ATIC: variants seen among roughly 807,000 people sequenced by gnomAD.
ATIC encodes bifunctional purine biosynthesis protein ATIC.
ATIC carries 64 observed loss-of-function variants against 72.5 expected under a neutral mutation model. The ratio of observed to expected loss-of-function variants is 0.88; its 90% CI spans 0.72 to 1.09. The LOEUF is 1.09. Among genes scored for constraint, ATIC ranks in the 50% least tolerant of loss-of-function variants. ATIC has a pLI of 0.00. For missense variants in ATIC, 787 were observed against 732.4 expected (o/e 1.07, Z -0.86); for synonymous variants, 281 against 267.1 (o/e 1.05, Z -0.51).
At position 215,333,400 on chromosome 2, in the gene ATIC, G is replaced by T. The variant is rs1380460742; in HGVS notation, c.865G>T (p.Val289Phe). The change falls in exon 9 of 16, where the codon GTT becomes TTT. Residue 289 changes from valine to phenylalanine, a missense_variant. By Grantham distance (50) the Val-to-Phe change is conservative. Coordinates refer to ENST00000236959, the MANE Select transcript of ATIC (RefSeq NM_004044.7). Reference protein sequence around the residue: ...LSEDEAKVCMVYDLYKTLTPI... With the variant: ...LSEDEAKVCMFYDLYKTLTPI... Reference sequence around the variant, plus strand: ...TGAAGATGAGGCCAAAGTCTGCATGGTTTATGATCTCTATAAAACCCTCAC... The same window carrying T: ...TGAAGATGAGGCCAAAGTCTGCATGTTTTATGATCTCTATAAAACCCTCAC... The T allele has an allele frequency of 6.2e-7, 1 of 1,614,038 alleles. No individual in the cohort carries two copies. The highest frequency in any genetic ancestry group is 2.2e-5 in the East Asian group (1 of 44,880).
At chr2:215,325,927 A>G (rs2052818688) in intron 5 of ATIC, 60 bp from the exon 6 acceptor site, 1 of 1,584,160 alleles carries the variant, frequency 6.3e-7, no homozygotes, top group Non-Finnish European at 8.7e-7. Context: ...ACTTTATTTA[A>G]AAGCGGTTCA....
chr2:215,312,361 C>G (rs2052662398), intron 1 of ATIC, 137 bp from the exon 2 acceptor site: 14 of 1,545,122 alleles, frequency 9.1e-6, no homozygotes, highest in Non-Finnish European at 1.2e-5. Flanking sequence ...CTGGGGAGGC[C>G]CGGACCAGGC....
the ATIC span, among the ~76,000 whole-genome samples, chr2:215,355,365 A>C: frequency 6.6e-6 from 1 of 152,166 alleles, no homozygotes; most frequent in African/African-American, 2.4e-5. Flanking sequence ...TTTCCAGCAG[A>C]AGGACAGAAG....
At chr2:215,351,843 G>A (rs1180501883), downstream of ATIC, among the ~76,000 whole-genome samples, 1 of 152,228 alleles carries the variant, frequency 6.6e-6, no homozygotes, top group Non-Finnish European at 1.5e-5. Context: ...CACTTTCTCA[G>A]CCAGATGATC....
In ATIC at chr2:215,317,555, G is replaced by A. The variant is rs758890907; in HGVS notation, c.147-602G>A. ...GGCTGGAGTGCAGTGGCATGATCTC[G>A]GCTCACTGCGACCTCCAACTCTTGG... On this transcript the variant is annotated intron_variant, in intron 2 of 15. Transcript: ENST00000236959. Among the ~76,000 whole-genome samples, 10 of 152,012 alleles carry A rather than the reference G, an allele frequency of 6.6e-5. No homozygotes were observed. The South Asian group carries it at 8.3e-4, about 13-fold the overall frequency.
At chr2:215,333,600 T>C in intron 9 of ATIC, 143 bp downstream of exon 9, 1 of 561,130 alleles carries the variant, frequency 1.8e-6, no homozygotes, top group East Asian at 3.0e-5. Flanking sequence ...TCTATCTCTA[T>C]GTAAATATAC....
chr2:215,328,706 G>A (rs939767170), intron 7 of ATIC, among the ~76,000 whole-genome samples: 75 of 149,472 alleles, frequency 5.0e-4, no homozygotes, highest in African/African-American at 1.8e-3. Context: ...CCCCCATTAG[G>A]ATGGCAGCTT....
the ATIC span, chr2:215,361,140 G>T: frequency 1.0e-5 from 2 of 194,122 alleles, no homozygotes; most frequent in Non-Finnish European, 2.2e-5. Context: ...GATCATGCTT[G>T]TTCCTACAGT....
rs113493543 is a variant in ATIC at position 215,312,347 on chromosome 2, A to G, written c.20-151A>G. ...CGCCTTAGAGCAGCTCGCGGGTGTA[A>G]GACCTGGGGAGGCCCGGACCAGGCC... On this transcript the variant is annotated intron_variant, in intron 1 of 15. Transcript: ENST00000236959. The G allele has an allele frequency of 4.7e-3, 7,137 of 1,514,988 alleles. 241 individuals are homozygous for G. In the African/African-American group the frequency reaches 0.08, roughly 17 times the overall value. 93.8% of individuals were successfully genotyped at this position (1,514,988 alleles called of 1,614,324 possible).
chr2:215,339,185 GC>G, intron 12 of ATIC, among the ~76,000 whole-genome samples: 1 of 152,138 alleles, frequency 6.6e-6, no homozygotes, highest in Non-Finnish European at 1.5e-5. Flanking sequence ...CTGTAACTTG[GC>G]TTTTTTCCAT....
At chr2:215,349,825 GACACATA>G, downstream of ATIC, 1 of 1,194,536 alleles carries the variant, frequency 8.4e-7, no homozygotes, top group South Asian at 1.4e-5. Flanking sequence ...ACTGACACAT[GACACATA>G]ACACATAAAT....
intron 13 of ATIC, among the ~76,000 whole-genome samples, 184 bp from the exon 14 acceptor site, chr2:215,346,575 T>TA (rs1302993547): frequency 6.6e-6 from 1 of 152,164 alleles, no homozygotes. Context: ...AAATAGTAGT[T>TA]ATAAACAAAC....
At chr2:215,367,746 G>C in the ATIC span, 5 of 1,004,904 alleles carry the variant, frequency 5.0e-6, no homozygotes, top group East Asian at 1.0e-4. Context: ...GTATTCTCTT[G>C]TTTGCTTCAT....
At chr2:215,349,417 G>T in intron 15 of ATIC, 119 bp from the exon 16 acceptor site, 1 of 1,583,462 alleles carries the variant, frequency 6.3e-7, no homozygotes, top group Non-Finnish European at 8.6e-7. Context: ...AAATCCTGTT[G>T]TTATTTTGCC....
chr2:215,351,972 A>C (rs1223494057), downstream of ATIC, among the ~76,000 whole-genome samples: 1 of 152,180 alleles, frequency 6.6e-6, no homozygotes, highest in East Asian at 1.9e-4. Flanking sequence ...TGAGAAAAAC[A>C]TCAGATATAA....
intron 7 of ATIC, 149 bp from the exon 8 acceptor site, chr2:215,332,233 A>G: frequency 3.4e-6 from 4 of 1,165,530 alleles, no homozygotes; most frequent in Non-Finnish European, 4.9e-6. Context: ...TTTGTTCTTT[A>G]TCATCAAGAT....
intron 2 of ATIC, among the ~76,000 whole-genome samples, chr2:215,312,886 G>A (rs1471855817): frequency 6.6e-6 from 1 of 152,114 alleles, no homozygotes; most frequent in Non-Finnish European, 1.5e-5. Context: ...ATCACTTACG[G>A]TCAAGAGTTC....
chr2:215,363,488 G>A, the ATIC span: 16 of 152,188 alleles, frequency 1.1e-4, no homozygotes, highest in African/African-American at 3.6e-4. Context: ...TAATCACTGG[G>A]GGTGAAACAA....
intron 12 of ATIC, among the ~76,000 whole-genome samples, chr2:215,341,867 C>A (rs2053022897): frequency 6.6e-6 from 1 of 152,052 alleles, no homozygotes; most frequent in Non-Finnish European, 1.5e-5. Context: ...TGAGACTGGG[C>A]AATTTATAAA....
Sources: allele counts gnomAD v4.1 joint callset (sites outside exome capture counted in the v4.1 genomes callset), GRCh38; gene constraint gnomAD v4.1.1; transcripts MANE v1.5; gene names NCBI Gene and HGNC (gene_info 2026-07-23, HGNC 2026-07-21).